The following DDX59 variants were observed in gnomAD, a reference collection of about 807,000 sequenced individuals.
The protein encoded by DDX59 is probable ATP-dependent RNA helicase DDX59.
DDX59 carries 30 observed loss-of-function variants against 51.9 expected under a neutral mutation model. The observed-to-expected ratio is 0.58, with a 90% CI of 0.43 to 0.78. The LOEUF is 0.78. Ranked by LOEUF, DDX59 falls within the 30% of genes least tolerant of loss-of-function variation. The pLI is 0.00. For missense variants in DDX59, 672 were observed against 730.8 expected (o/e 0.92, Z 0.93); for synonymous variants, 255 against 253.3 (o/e 1.01, Z -0.06).
intron 4 of DDX59, among the ~76,000 whole-genome samples, chr1:200,654,136 G>C (rs745865838): frequency 3.3e-5 from 5 of 152,196 alleles, no homozygotes; most frequent in African/African-American, 1.2e-4. Context: ...CTGAAGGGCC[G>C]GGCGTGGTGG....
Position 200,666,767 on chromosome 1 carries a change from T to C in DDX59, c.-11-16A>G, listed in dbSNP as rs994248470. 6.3e-7 allele frequency: 1 copy of C among 1,579,670 alleles called. No individual in the cohort carries two copies. On this transcript the variant is annotated splice_polypyrimidine_tract_variant and intron_variant, in intron 1 of 7. Transcript: ENST00000331314. ...CTTCAATATTCTGTTAAGGAAATTATATAATGAGATTTATTGTACCATTAA... is the reference window on the plus strand; with the variant it reads ...CTTCAATATTCTGTTAAGGAAATTACATAATGAGATTTATTGTACCATTAA...
In DDX59 at chr1:200,644,458, A is replaced by C. The variant is rs750214809; in HGVS notation, c.1656T>G (p.Asn552Lys). ...NGTAITFINN[N>K]SKRLFWDIAK... ...CAATATCCCAGAAGAGTCTTTTTGA[A>C]TTATTATTGATGAAAGTAATCGCTG... The change falls in exon 8 of 8, where the codon AAT becomes AAG. Residue 552 changes from asparagine to lysine, a missense_variant. Asn to Lys is a moderately conservative substitution (Grantham distance 94, BLOSUM62 0). Transcript: ENST00000331314. 2 of 1,607,662 alleles carry C rather than the reference A, an allele frequency of 1.2e-6. No homozygotes were observed. The highest frequency in any genetic ancestry group is 1.7e-6 in the Non-Finnish European group (2 of 1,177,024).
At chr1:200,664,323 G>A (rs541986725) in intron 2 of DDX59, among the ~76,000 whole-genome samples, 4 of 152,248 alleles carry the variant, frequency 2.6e-5, no homozygotes, top group African/African-American at 7.2e-5. Context: ...GGGGAGAGGT[G>A]TCCACAGTAA....
At chr1:200,658,934 GAA>G in intron 4 of DDX59, 91 bp downstream of exon 4, 1 of 1,101,746 alleles carries the variant, frequency 9.1e-7, no homozygotes, top group Admixed American at 2.3e-5. Context: ...TTGAGAGAGA[GAA>G]AAGGTACTGA....
chr1:200,650,794 A>T, intron 4 of DDX59, 118 bp from the exon 5 acceptor site: 1 of 898,734 alleles, frequency 1.1e-6, no homozygotes, highest in Non-Finnish European at 1.6e-6. Context: ...AGAAAACTAT[A>T]CCACAATGTC....
intron 4 of DDX59, among the ~76,000 whole-genome samples, chr1:200,652,856 A>T (rs2809360): frequency 0.085 from 12,742 of 149,176 alleles, 640 homozygotes; most frequent in South Asian, 0.14. Context: ...AATTTTTGGT[A>T]TTTTTTTTTG....
At chr1:200,658,697 C>G (rs574932888) in intron 4 of DDX59, among the ~76,000 whole-genome samples, 1 of 152,002 alleles carries the variant, frequency 6.6e-6, no homozygotes, top group Non-Finnish European at 1.5e-5. Flanking sequence ...AGAGCAAGAC[C>G]CTGTCTCATT....
At chr1:200,660,375 G>C (rs1265555718) in intron 3 of DDX59, among the ~76,000 whole-genome samples, 2 of 152,124 alleles carry the variant, frequency 1.3e-5, no homozygotes, top group African/African-American at 4.8e-5. Flanking sequence ...TTCTCAGAGG[G>C]CACCTGGGAG....
chr1:200,659,931 G>A (rs765430768), intron 3 of DDX59, among the ~76,000 whole-genome samples: 9 of 152,140 alleles, frequency 5.9e-5, no homozygotes, highest in Middle Eastern at 3.4e-3. Flanking sequence ...TAATCCTCCC[G>A]CCTTGGCCTC....
downstream of DDX59, among the ~76,000 whole-genome samples, chr1:200,643,316 T>C (rs562749966): frequency 1.9e-3 from 296 of 151,950 alleles, 1 homozygote; most frequent in South Asian, 8.9e-3. Flanking sequence ...ACATATCCTG[T>C]AAATGCTGTT....
chr1:200,651,347 A>G (rs1447315309), intron 4 of DDX59, among the ~76,000 whole-genome samples: 1 of 152,182 alleles, frequency 6.6e-6, no homozygotes, highest in Admixed American at 6.5e-5. Flanking sequence ...TGTACGGGTA[A>G]TAAGAGGGGA....
Position 200,650,549 on chromosome 1 carries a change from T to A in DDX59, c.1190A>T (p.Gln397Leu). 6.2e-7 allele frequency: 1 copy of A among 1,614,146 alleles called. No individual in the cohort carries two copies. Among genetic ancestry groups the A allele is most frequent in the Non-Finnish European group, 8.5e-7 (1 of 1,180,002 alleles). ...AATTCTCACAGGATTATGCAGAAGC[T>A]GGCTTGCTAGCTGTTCTATGCTAGT... ...IPTSIEQLAS[Q>L]LLHNPVRIIT... The change falls in exon 5 of 8, where the codon CAG (glutamine) becomes CTG (leucine). Residue 397 changes from glutamine to leucine, a missense_variant. Transcript: ENST00000331314.
chr1:200,664,679 C>T (rs1434918318), intron 2 of DDX59, among the ~76,000 whole-genome samples: 1 of 146,578 alleles, frequency 6.8e-6, no homozygotes, highest in Non-Finnish European at 1.5e-5. Context: ...TCTTTGCCCA[C>T]TTTTTTTTTT....
rs1662545760 is a variant in DDX59, at chr1:200,663,970, T to TA, written c.920dup (p.Gly308ArgfsTer17). The TA allele has an allele frequency of 6.2e-7, 1 of 1,614,094 alleles. No individual in the cohort carries two copies. Among genetic ancestry groups the TA allele is most frequent in the Non-Finnish European group, 8.5e-7 (1 of 1,180,034 alleles). ...GCTGTGGGGGTAAGGGTAAGCCCCC[T>TA]ACAAGAAGCACAGTTTTCATGCGTG... On this transcript the variant is annotated frameshift_variant, in exon 3 of 8. Coordinates refer to ENST00000331314, the MANE Select transcript of DDX59 (RefSeq NM_001031725.6). LOFTEE classifies it high-confidence loss of function.
chr1:200,648,955 T>C, intron 6 of DDX59, 119 bp downstream of exon 6: 1 of 1,035,194 alleles, frequency 9.7e-7, no homozygotes, highest in Non-Finnish European at 1.4e-6. Context: ...GCTTGTTTGA[T>C]GGTCTTGTAG....
chr1:200,662,430 G>C (rs1444819040), intron 3 of DDX59, among the ~76,000 whole-genome samples: 1 of 152,120 alleles, frequency 6.6e-6, no homozygotes, highest in Non-Finnish European at 1.5e-5. Flanking sequence ...CGAGGCAGGT[G>C]GATCACCTGA....
At chr1:200,657,984 C>T (rs1012418650) in intron 4 of DDX59, among the ~76,000 whole-genome samples, 1 of 152,168 alleles carries the variant, frequency 6.6e-6, no homozygotes, top group African/African-American at 2.4e-5. Context: ...GATTAACCAG[C>T]TTGCCTAAGC....
chr1:200,669,624 TA>T (rs1347082730), intron 1 of DDX59, 142 bp downstream of exon 1: 1 of 152,130 alleles, frequency 6.6e-6, no homozygotes, highest in Non-Finnish European at 1.5e-5. Flanking sequence ...CGGTTCCGGG[TA>T]GAGGCCTGGG....
intron 4 of DDX59, among the ~76,000 whole-genome samples, chr1:200,651,736 C>T (rs1461708565): frequency 1.3e-5 from 2 of 152,082 alleles, no homozygotes; most frequent in East Asian, 1.9e-4. Context: ...CAGCCGGGCA[C>T]GGTGGCTCAC....
Sources: gnomAD v4.1 joint callset for allele counts (sites outside exome capture counted in the v4.1 genomes callset) on GRCh38, gnomAD v4.1.1 for gene constraint, MANE v1.5 for transcripts, NCBI Gene and HGNC (gene_info 2026-07-23, HGNC 2026-07-21) for gene names.